Variants in KCNH8 observed in about 807,000 individuals in gnomAD.
KCNH8 encodes voltage-gated delayed rectifier potassium channel KCNH8.
In KCNH8, 70 loss-of-function variants were observed where a neutral mutation model predicts 103.6. That is an observed-to-expected ratio of 0.68 (90% CI 0.56 to 0.82). The LOEUF is 0.82. KCNH8 is among the 40% of genes least tolerant of loss of function. The probability of loss-of-function intolerance (pLI) is 0.00; values close to 1 mark genes in which losing one functional copy is unlikely to be tolerated. For synonymous variants in KCNH8, 498 were observed against 489.4 expected, an observed-to-expected ratio of 1.02 and a Z score of -0.23; for missense variants, 1,217 against 1,329.9, an observed-to-expected ratio of 0.92 and a Z score of 1.32.
chr3:19,203,366 A>T (rs1185823813), intron 1 of KCNH8, among the ~76,000 whole-genome samples: 1 of 152,066 alleles, frequency 6.6e-6, no homozygotes, highest in Non-Finnish European at 1.5e-5. Context: ...TGTCAAAGGA[A>T]ATATTCTAAA....
At chr3:19,274,066 A>G (rs545847638) in intron 2 of KCNH8, among the ~76,000 whole-genome samples, 5 of 152,276 alleles carry the variant, frequency 3.3e-5, no homozygotes, top group African/African-American at 4.8e-5. Context: ...TTGAAACTCA[A>G]TGTTTAAAAC....
At chr3:19,224,535 A>G (rs2063908397) in intron 1 of KCNH8, among the ~76,000 whole-genome samples, 1 of 151,438 alleles carries the variant, frequency 6.6e-6, no homozygotes, top group African/African-American at 2.4e-5. Context: ...AACTTTTATT[A>G]AGGAGGATGT....
chr3:19,247,596 C>A (rs2064222687), intron 1 of KCNH8, among the ~76,000 whole-genome samples: 1 of 152,192 alleles, frequency 6.6e-6, no homozygotes, highest in African/African-American at 2.4e-5. Flanking sequence ...TATTTGTCTA[C>A]CTTCCTTGTC....
At chr3:19,266,815 T>C (rs1402547392) in intron 2 of KCNH8, among the ~76,000 whole-genome samples, 1 of 152,140 alleles carries the variant, frequency 6.6e-6, no homozygotes, top group Non-Finnish European at 1.5e-5. Flanking sequence ...TGGTTACCTT[T>C]CCTCCCAAGA....
chr3:19,474,234 A>T (rs1007865703), intron 11 of KCNH8, among the ~76,000 whole-genome samples: 1 of 152,190 alleles, frequency 6.6e-6, no homozygotes, highest in Admixed American at 6.5e-5. Context: ...CAGGATAAAC[A>T]TATTTAATAG....
chr3:19,151,077 C>T (rs1003395642), intron 1 of KCNH8, among the ~76,000 whole-genome samples: 1 of 151,646 alleles, frequency 6.6e-6, no homozygotes, highest in African/African-American at 2.4e-5. Context: ...ATACCTTAAA[C>T]AAAATTTTAG....
chr3:19,363,084 G>A (rs2065967539), intron 5 of KCNH8, among the ~76,000 whole-genome samples: 1 of 152,136 alleles, frequency 6.6e-6, no homozygotes, highest in African/African-American at 2.4e-5. Context: ...GAACACAAGT[G>A]TCTGAGGATT....
chr3:19,446,615 G>A (rs978052815), intron 8 of KCNH8, among the ~76,000 whole-genome samples: 6 of 151,942 alleles, frequency 3.9e-5, no homozygotes, highest in Non-Finnish European at 8.8e-5. Context: ...GAAAGAGAAG[G>A]AGGGCAGCTA....
chr3:19,245,146 T>C (rs948310658), intron 1 of KCNH8, among the ~76,000 whole-genome samples: 2 of 152,108 alleles, frequency 1.3e-5, no homozygotes, highest in African/African-American at 4.8e-5. Flanking sequence ...TGGTGACTGG[T>C]AGGGGTACAA....
chr3:19,482,173 G>A (rs957579635), intron 11 of KCNH8, among the ~76,000 whole-genome samples: 6 of 152,168 alleles, frequency 3.9e-5, no homozygotes, highest in Admixed American at 1.3e-4. Context: ...GAACAGGACA[G>A]GGATTTCCAC....
rs552800241 is a variant in KCNH8, at chr3:19,434,554, G to A, written c.1178-3610G>A. ...CCCATCATAATCATTTTCTTCCAGT[G>A]CTCTGCCTCTCCCAGCAAACTGCTT... On this transcript the variant is annotated intron_variant, in intron 7 of 15. Transcript: ENST00000328405. 8.5e-5 allele frequency among the ~76,000 whole-genome samples: 13 copies of A among 152,266 alleles called. No homozygotes were observed. In the South Asian group the frequency reaches 2.7e-3, roughly 32 times the overall value.
intron 5 of KCNH8, among the ~76,000 whole-genome samples, chr3:19,373,187 T>G (rs1329640942): frequency 6.6e-6 from 1 of 152,114 alleles, no homozygotes; most frequent in Non-Finnish European, 1.5e-5. Context: ...GAAGGAATGG[T>G]ACCAGCTCCT....
intron 1 of KCNH8, among the ~76,000 whole-genome samples, chr3:19,251,864 C>T (rs773592258): frequency 8.5e-5 from 13 of 152,128 alleles, no homozygotes; most frequent in Admixed American, 5.9e-4. Context: ...AAAAACATTT[C>T]ATGTTTGGTA....
intron 5 of KCNH8, among the ~76,000 whole-genome samples, chr3:19,362,210 T>C (rs780415957): frequency 6.6e-6 from 1 of 152,162 alleles, no homozygotes; most frequent in Non-Finnish European, 1.5e-5. Context: ...TTAAATATTT[T>C]TCCATACACA....
chr3:19,490,228 G>T (rs116125939), intron 11 of KCNH8, among the ~76,000 whole-genome samples: 1 of 152,176 alleles, frequency 6.6e-6, no homozygotes, highest in Non-Finnish European at 1.5e-5. Flanking sequence ...AGGAAACCAC[G>T]AAATGTAGCA....
In KCNH8 at chr3:19,335,774, C is replaced by A. The variant is rs371530591; in HGVS notation, c.443-6813C>A. Reference sequence around the variant, plus strand: ...TTTGGAACTATTTTGGTAATTGACTCCTGCCCTCAAAGTATTCATTAAATC... The same window carrying A: ...TTTGGAACTATTTTGGTAATTGACTACTGCCCTCAAAGTATTCATTAAATC... On this transcript the variant is annotated intron_variant, in intron 3 of 15. Coordinates refer to ENST00000328405, the MANE Select transcript of KCNH8 (RefSeq NM_144633.3). Among the ~76,000 whole-genome samples the A allele has an allele frequency of 1.1e-4, 16 of 151,586 alleles. 1 individual carries two copies. The highest frequency in any genetic ancestry group is 4.6e-4 in the Admixed American group (7 of 15,190).
At chr3:19,226,297 G>A (rs1453938328) in intron 1 of KCNH8, among the ~76,000 whole-genome samples, 1 of 152,252 alleles carries the variant, frequency 6.6e-6, no homozygotes, top group Admixed American at 6.5e-5. Context: ...ATGTTTGTAT[G>A]TGTATACATG....
At chr3:19,488,922 C>G (rs1289478632) in intron 11 of KCNH8, among the ~76,000 whole-genome samples, 2 of 152,126 alleles carry the variant, frequency 1.3e-5, no homozygotes, top group African/African-American at 4.8e-5. Flanking sequence ...TGGAGCAAGT[C>G]AATTAAAGCT....
chr3:19,228,640 A>G (rs1162137006), intron 1 of KCNH8, among the ~76,000 whole-genome samples: 1 of 152,200 alleles, frequency 6.6e-6, no homozygotes, highest in East Asian at 1.9e-4. Context: ...TAAAAAATGT[A>G]TCTATGTTGA....
Sources: allele counts gnomAD v4.1 joint callset (sites outside exome capture counted in the v4.1 genomes callset), GRCh38; gene constraint gnomAD v4.1.1; transcripts MANE v1.5; gene names NCBI Gene and HGNC (gene_info 2026-07-23, HGNC 2026-07-21).